The following DOCK6 variants were observed in gnomAD, a reference collection of about 807,000 sequenced individuals.
The protein encoded by DOCK6 is dedicator of cytokinesis protein 6.
Under a neutral mutation model 230.3 loss-of-function variants are expected in DOCK6, and 167 were observed. The observed-to-expected ratio is 0.73, with a 90% CI of 0.64 to 0.82. DOCK6 has a LOEUF of 0.82. Among genes scored for constraint, DOCK6 ranks in the 40% least tolerant of loss-of-function variants. DOCK6 has a pLI of 0.00. For synonymous variants in DOCK6, 1,148 were observed against 1,185.0 expected, an observed-to-expected ratio of 0.97 and a Z score of 0.64; for missense variants, 2,598 against 2,825.8, an observed-to-expected ratio of 0.92 and a Z score of 1.83.
chr19:11,202,172 A>C lies in DOCK6; in HGVS notation c.5452-47T>G. 1.3e-6 allele frequency: 2 copies of C among 1,578,868 alleles called. No individual in the cohort carries two copies. Among genetic ancestry groups the C allele is most frequent in the Non-Finnish European group, 1.7e-6 (2 of 1,150,140 alleles). ...AGGATCCCACAGCCCCAGCACGCAC[A>C]GCCCAAGCCCTGTTCCTGGAGAGAG... On this transcript the variant is annotated intron_variant, in intron 43 of 47. Coordinates refer to ENST00000294618, the MANE Select transcript of DOCK6 (RefSeq NM_020812.4). The surrounding 1 kb of genome is among the most constrained non-coding windows in gnomAD (Gnocchi z 5.3).
chr19:11,216,449 C>T (rs963058344), intron 30 of DOCK6, among the ~76,000 whole-genome samples: 3 of 151,382 alleles, frequency 2.0e-5, no homozygotes, highest in Non-Finnish European at 4.4e-5. Context: ...ACTCTGTTGC[C>T]CAGGCTGGTG....
intron 37 of DOCK6, among the ~76,000 whole-genome samples, chr19:11,209,902 C>T (rs1347468383): frequency 1.6e-5 from 2 of 125,466 alleles, no homozygotes; most frequent in Non-Finnish European, 3.4e-5. Flanking sequence ...CACCTGTCCA[C>T]CCCCTCAACT....
At chr19:11,251,166 C>A in intron 5 of DOCK6, 80 bp from the exon 6 acceptor site, 2 of 1,383,700 alleles carry the variant, frequency 1.4e-6, no homozygotes, top group South Asian at 2.5e-5. Flanking sequence ...TCCTCATACT[C>A]ATTCTAGAGA....
At position 11,215,929 on chromosome 19, in the gene DOCK6, T is replaced by A; in HGVS notation, c.3895-2A>T. 6.2e-7 allele frequency: 1 copy of A among 1,613,672 alleles called. No homozygotes were observed. The highest frequency in any genetic ancestry group is 8.5e-7 in the Non-Finnish European group (1 of 1,179,768). On this transcript the variant is annotated splice_acceptor_variant, in intron 30 of 47. Transcript: ENST00000294618. LOFTEE classifies it high-confidence loss of function. The stretch of plus-strand genomic sequence containing the variant: ...GATGCGTTCAAAGGCCTTTTTCCCC[T>A]GGGGGTGCAGAGAACTGGGGTTCCA...
intron 9 of DOCK6, among the ~76,000 whole-genome samples, chr19:11,244,841 G>A (rs576409172): frequency 2.6e-5 from 4 of 152,216 alleles, no homozygotes; most frequent in East Asian, 1.9e-4. Context: ...CGATCCTCCC[G>A]CCTCAGCCTC....
chr19:11,227,510 T>TTTGAAGGGCTGTGGGTAGGAC, intron 23 of DOCK6, 33 bp from the exon 24 acceptor site: 7 of 1,520,994 alleles, frequency 4.6e-6, no homozygotes, highest in Admixed American at 4.0e-5. Flanking sequence ...GTGGGTGGGA[T>TTTGAAGGGCTGTGGGTAGGAC]TTGAAGGGCT....
At chr19:11,244,893 CTTCCCTACATT>C (rs1195503124) in intron 9 of DOCK6, among the ~76,000 whole-genome samples, 1 of 152,200 alleles carries the variant, frequency 6.6e-6, no homozygotes, top group Non-Finnish European at 1.5e-5. Context: ...TGTGCCTGGC[CTTCCCTACATT>C]TTTCTTTGTT....
At chr19:11,199,780 C>G (rs1320728600) in intron 47 of DOCK6, among the ~76,000 whole-genome samples, 61 of 152,216 alleles carry the variant, frequency 4.0e-4, no homozygotes, top group Non-Finnish European at 1.9e-4. Context: ...ATTCATGTAT[C>G]TGGGAAATGA....
chr19:11,245,758 C>A (rs2080022225), intron 8 of DOCK6, 46 bp from the exon 9 acceptor site: 2 of 1,604,820 alleles, frequency 1.2e-6, no homozygotes, highest in Admixed American at 1.7e-5. Context: ...GGGAAGCCCA[C>A]AGCCCCCCAA....
chr19:11,208,745 G>C lies in DOCK6; in HGVS notation c.5029C>G (p.His1677Asp). The part of the protein sequence containing the change: ...PDEEGFCSGK[H>D]FTELGLVGLL... ...CCTACCAGCCCCAGCTCAGTGAAGT[G>C]CTTCCCGGAGCAGAAGCCCTCCTCG... Residue 1677 changes from histidine (H) to aspartate (D), a missense_variant, in exon 39 of 48, where the codon CAC (histidine) becomes GAC (aspartate). By Grantham distance (81) the His-to-Asp change is moderately conservative (BLOSUM62 -1). Coordinates refer to ENST00000294618, the MANE Select transcript of DOCK6 (RefSeq NM_020812.4). 1 of 1,613,736 alleles carries C rather than the reference G, an allele frequency of 6.2e-7. No individual in the cohort carries two copies. Among genetic ancestry groups the C allele is most frequent in the Non-Finnish European group, 8.5e-7 (1 of 1,179,734 alleles).
At chr19:11,240,134 G>A (rs1450936657) in intron 14 of DOCK6, 2 of 1,551,544 alleles carry the variant, frequency 1.3e-6, no homozygotes, top group Admixed American at 2.0e-5. Context: ...TTATTAAGCA[G>A]ATGGAGGAGG....
In DOCK6 at chr19:11,227,395, T is replaced by C; in HGVS notation, c.2897A>G (p.Asp966Gly). 6.2e-7 allele frequency: 1 copy of C among 1,613,778 alleles called. No homozygotes were observed. Among genetic ancestry groups the C allele is most frequent in the African/African-American group, 1.3e-5 (1 of 75,036 alleles). ...RKLRFPGRFL[D>G]DITALVGSVG... is the part of the protein sequence containing the mutation. ...AGAGCCCACCAAGGCAGTGATGTCG[T>C]CCAGGAAGCGTCCGGGGAAGCGCAG... Residue 966 changes from aspartate to glycine, a missense_variant, in exon 24 of 48, where the codon GAC becomes GGC. Coordinates refer to ENST00000294618, the MANE Select transcript of DOCK6 (RefSeq NM_020812.4).
Position 11,217,896 on chromosome 19 carries a change from G to A in DOCK6, c.3551-505C>T, listed in dbSNP as rs540284008. ...AGACGGAGTCTTGCTCTGTTGCCCC[G>A]GCTGGAGTACAGTGGCCTGATCTCA... On this transcript the variant is annotated intron_variant, in intron 28 of 47. Transcript: ENST00000294618. 1.1e-4 allele frequency among the ~76,000 whole-genome samples: 17 copies of A among 151,638 alleles called. No homozygotes were observed. The South Asian group carries it at 2.5e-3, about 22-fold the overall frequency.
At position 11,221,944 on chromosome 19, in the gene DOCK6, C is replaced by A. The variant is rs776543777; in HGVS notation, c.3457G>T (p.Ala1153Ser). ...LCGHDTDPRY[A>S]EATVKARVAE... is the part of the protein sequence containing the mutation. ...ACACGAGCCTTCACAGTGGCCTCGG[C>A]GTAGCGGGGGTCAGTGTCATGGCCA... Residue 1153 changes from alanine to serine, a missense_variant, in exon 28 of 48, where the codon GCC (alanine) becomes TCC (serine). Ala to Ser is a moderately conservative substitution (Grantham distance 99). Coordinates refer to ENST00000294618, the MANE Select transcript of DOCK6 (RefSeq NM_020812.4). 1 of 1,613,784 alleles carries A rather than the reference C, an allele frequency of 6.2e-7. No individual in the cohort carries two copies.
At chr19:11,241,593 T>TG (rs1227186497) in intron 14 of DOCK6, 17 of 1,556,136 alleles carry the variant, frequency 1.1e-5, no homozygotes, top group African/African-American at 1.4e-5. Flanking sequence ...GGCAGTTGGA[T>TG]GGGGGGCGCA....
intron 14 of DOCK6, chr19:11,241,653 TC>T (rs746610288): frequency 2.5e-6 from 4 of 1,575,504 alleles, no homozygotes; most frequent in Non-Finnish European, 3.4e-6. Flanking sequence ...CACATCTCCC[TC>T]CCCAGACTCC....
At chr19:11,250,571 A>G (rs1002116069) in intron 6 of DOCK6, among the ~76,000 whole-genome samples, 6 of 152,020 alleles carry the variant, frequency 3.9e-5, no homozygotes, top group African/African-American at 1.4e-4. Context: ...CAGCCTCCCA[A>G]AGTGCTGGGA....
intron 41 of DOCK6, 78 bp downstream of exon 41, chr19:11,204,003 C>T (rs1235362858): frequency 3.3e-6 from 5 of 1,536,822 alleles, no homozygotes; most frequent in Non-Finnish European, 3.5e-6. Flanking sequence ...CTGGTGCCCC[C>T]TGGTGTTCAC....
intron 39 of DOCK6, 47 bp from the exon 40 acceptor site, chr19:11,204,378 C>G (rs1168999893): frequency 6.3e-7 from 1 of 1,595,930 alleles, no homozygotes; most frequent in Non-Finnish European, 8.6e-7. Flanking sequence ...CTTCCTCTCT[C>G]CACTGTGCTC....
Sources: allele counts gnomAD v4.1 joint callset (sites outside exome capture counted in the v4.1 genomes callset), GRCh38; gene constraint gnomAD v4.1.1; non-coding constraint Gnocchi (gnomAD v3.1); transcripts MANE v1.5; gene names NCBI Gene and HGNC (gene_info 2026-07-23, HGNC 2026-07-21).